Variants in SOX5 observed in about 807,000 individuals in gnomAD.
SOX5 encodes SRY-box transcription factor 5.
SOX5 carries 9 observed loss-of-function variants against 92.0 expected under a neutral mutation model. The ratio of observed to expected loss-of-function variants is 0.10; its 90% CI spans 0.06 to 0.17. SOX5 has a LOEUF of 0.17. SOX5 is among the 10% of genes least tolerant of loss of function. The pLI, the probability that SOX5 is intolerant of heterozygous loss-of-function variation, is 1.00. For synonymous variants in SOX5, 344 were observed against 336.3 expected, an observed-to-expected ratio of 1.02 and a Z score of -0.25; for missense variants, 642 against 944.5, an observed-to-expected ratio of 0.68 and a Z score of 4.20.
intron 6 of SOX5, among the ~76,000 whole-genome samples, chr12:23,693,264 C>T (rs1244019800): frequency 2.0e-5 from 3 of 152,018 alleles, no homozygotes; most frequent in Non-Finnish European, 4.4e-5. Flanking sequence ...GCTGGGATTA[C>T]AAGTGTGTCC....
chr12:24,252,032 T>G (rs984516683), intron 3 of SOX5, among the ~76,000 whole-genome samples: 1 of 152,160 alleles, frequency 6.6e-6, no homozygotes, highest in East Asian at 1.9e-4. Context: ...TTTTTCATTC[T>G]GCAAATCTTA....
chr12:24,125,011 G>T (rs978291573), intron 4 of SOX5, among the ~76,000 whole-genome samples: 2 of 152,038 alleles, frequency 1.3e-5, no homozygotes, highest in Non-Finnish European at 2.9e-5. Flanking sequence ...ATTTTCTGAT[G>T]ATTATAAATA....
At chr12:24,545,070 C>A (rs904189641) in intron 1 of SOX5, among the ~76,000 whole-genome samples, 7 of 152,168 alleles carry the variant, frequency 4.6e-5, no homozygotes, top group Non-Finnish European at 8.8e-5. Flanking sequence ...TAGACGTCCA[C>A]CTGGGAACCT....
intron 1 of SOX5, among the ~76,000 whole-genome samples, chr12:24,504,726 T>A (rs1173984883): frequency 6.6e-6 from 1 of 152,218 alleles, no homozygotes; most frequent in Non-Finnish European, 1.5e-5. Flanking sequence ...TAAACCTTAA[T>A]TCTAGTTCCT....
At chr12:23,970,758 C>T (rs964692546) in intron 4 of SOX5, among the ~76,000 whole-genome samples, 18 of 137,746 alleles carry the variant, frequency 1.3e-4, no homozygotes, top group Admixed American at 7.6e-5. Flanking sequence ...TTGGTGTCCA[C>T]TGGTGTCCCT....
intron 4 of SOX5, among the ~76,000 whole-genome samples, chr12:24,211,778 A>C (rs1958643848): frequency 6.6e-6 from 1 of 152,184 alleles, no homozygotes; most frequent in Non-Finnish European, 1.5e-5. Context: ...GATTGGACCA[A>C]GTTTCTTTCT....
At chr12:23,715,933 T>C (rs1384838553) in intron 6 of SOX5, among the ~76,000 whole-genome samples, 1 of 152,160 alleles carries the variant, frequency 6.6e-6, no homozygotes, top group Non-Finnish European at 1.5e-5. Context: ...ATAAATCTTA[T>C]TAAATTTGGG....
intron 3 of SOX5, among the ~76,000 whole-genome samples, chr12:23,765,390 A>AAG (rs1304215704): frequency 2.1e-5 from 3 of 146,202 alleles, no homozygotes; most frequent in Non-Finnish European, 4.5e-5. Flanking sequence ...AACAGCAAAA[A>AAG]AAAAAAAAAA....
intron 3 of SOX5, among the ~76,000 whole-genome samples, chr12:24,272,791 T>G (rs139567143): frequency 6.6e-6 from 1 of 152,344 alleles, no homozygotes; most frequent in East Asian, 1.9e-4. Context: ...CTGTTGAGGA[T>G]ATTTCCACTT....
chr12:23,545,221 A>G (rs1415475794), intron 12 of SOX5, among the ~76,000 whole-genome samples: 1 of 152,162 alleles, frequency 6.6e-6, no homozygotes, highest in Non-Finnish European at 1.5e-5. Flanking sequence ...CCCCTCTCAA[A>G]GTATGCATCT....
intron 8 of SOX5, among the ~76,000 whole-genome samples, chr12:23,636,294 C>T (rs1433775201): frequency 6.6e-6 from 1 of 152,106 alleles, no homozygotes; most frequent in Non-Finnish European, 1.5e-5. Flanking sequence ...ATTTTAACTG[C>T]TTCTGAAAGT....
At chr12:24,386,764 T>C (rs370188795) in intron 1 of SOX5, among the ~76,000 whole-genome samples, 84 of 152,338 alleles carry the variant, frequency 5.5e-4, no homozygotes, top group Middle Eastern at 3.4e-3. Flanking sequence ...ACAAGGAATC[T>C]AAAACTATTG....
intron 1 of SOX5, among the ~76,000 whole-genome samples, chr12:24,399,632 T>G (rs1377268189): frequency 6.6e-6 from 1 of 152,146 alleles, no homozygotes; most frequent in Non-Finnish European, 1.5e-5. Flanking sequence ...AAAAAACAAT[T>G]GTTGAGAAGA....
intron 4 of SOX5, among the ~76,000 whole-genome samples, chr12:24,080,462 A>C (rs1029928619): frequency 6.6e-6 from 1 of 152,060 alleles, no homozygotes; most frequent in Admixed American, 6.6e-5. Flanking sequence ...CACGCTCTTA[A>C]AAAGATCAAA....
At chr12:24,004,317 AAAC>A (rs1951923717) in intron 4 of SOX5, among the ~76,000 whole-genome samples, 2 of 152,020 alleles carry the variant, frequency 1.3e-5, no homozygotes, top group Admixed American at 6.6e-5. Context: ...TCAAAAAAAA[AAAC>A]ACAAGCATAT....
chr12:23,793,536 T>C (rs531874965), intron 3 of SOX5, among the ~76,000 whole-genome samples: 3 of 152,152 alleles, frequency 2.0e-5, no homozygotes, highest in Admixed American at 6.6e-5. Context: ...CTGTATTTTA[T>C]GGGGTATAGG....
At chr12:24,506,784 CTTTTTTTTTTT>C (rs386375924) in intron 1 of SOX5, among the ~76,000 whole-genome samples, 1 of 81,760 alleles carries the variant, frequency 1.2e-5, no homozygotes, top group East Asian at 4.8e-4. Flanking sequence ...TCCAAATGGT[CTTTTTTTTTTT>C]TTTTTTTTTT....
chr12:24,109,365 T>C (rs1947058357), intron 4 of SOX5, among the ~76,000 whole-genome samples: 1 of 152,142 alleles, frequency 6.6e-6, no homozygotes, highest in Non-Finnish European at 1.5e-5. Flanking sequence ...TTTGAAAAAC[T>C]ACAAAAGCGT....
At chr12:24,091,606 G>A (rs1802443337) in intron 4 of SOX5, among the ~76,000 whole-genome samples, 1 of 151,682 alleles carries the variant, frequency 6.6e-6, no homozygotes, top group Non-Finnish European at 1.5e-5. Flanking sequence ...GTTTTTTTGT[G>A]AGAATACTAT....
Sources: allele counts gnomAD v4.1 joint callset (sites outside exome capture counted in the v4.1 genomes callset), GRCh38; gene constraint gnomAD v4.1.1; transcripts MANE v1.5; gene names NCBI Gene and HGNC (gene_info 2026-07-23, HGNC 2026-07-21).